CCDC6: variants seen among roughly 807,000 people sequenced by gnomAD.
CCDC6 encodes the protein coiled-coil domain-containing protein 6.
CCDC6 carries 20 observed loss-of-function variants against 56.6 expected under a neutral mutation model. The observed-to-expected ratio is 0.35, with a 90% confidence interval of 0.25 to 0.51. CCDC6 has a LOEUF of 0.51. Ranked by LOEUF, CCDC6 falls within the 20% of genes least tolerant of loss-of-function variation. The pLI is 0.95. For missense variants in CCDC6, 367 were observed against 601.1 expected, an observed-to-expected ratio of 0.61 and a Z score of 4.07; for synonymous variants, 241 against 234.4, an observed-to-expected ratio of 1.03 and a Z score of -0.26.
At chr10:59,836,229 C>A (rs562827459) in intron 2 of CCDC6, among the ~76,000 whole-genome samples, 2 of 152,172 alleles carry the variant, frequency 1.3e-5, no homozygotes, top group Admixed American at 6.5e-5. Context: ...AAGAAAAATT[C>A]AGATATTCTC....
At chr10:59,904,846 C>T (rs1295419140) in intron 1 of CCDC6, among the ~76,000 whole-genome samples, 1 of 152,212 alleles carries the variant, frequency 6.6e-6, no homozygotes, top group Non-Finnish European at 1.5e-5. Context: ...CATGTATGAG[C>T]CAGCACTGGG....
chr10:59,896,605 CA>C (rs2071465758), intron 1 of CCDC6, among the ~76,000 whole-genome samples: 1 of 149,450 alleles, frequency 6.7e-6, no homozygotes, highest in Admixed American at 6.7e-5. Context: ...AAAAAACAAA[CA>C]AAAACAAGAA....
chr10:59,835,101 A>C (rs935061376), intron 2 of CCDC6, among the ~76,000 whole-genome samples: 8 of 152,230 alleles, frequency 5.3e-5, no homozygotes, highest in Non-Finnish European at 1.0e-4. Context: ...AAAACCTTTA[A>C]ACTATTTGCA....
intron 1 of CCDC6, among the ~76,000 whole-genome samples, chr10:59,854,905 G>C (rs2071068686): frequency 6.6e-6 from 1 of 152,222 alleles, no homozygotes; most frequent in Non-Finnish European, 1.5e-5. Flanking sequence ...AGGAACTGTA[G>C]TGCTCTTGCA....
intron 1 of CCDC6, among the ~76,000 whole-genome samples, chr10:59,890,748 A>G (rs189657972): frequency 5.3e-4 from 80 of 151,754 alleles, no homozygotes; most frequent in African/African-American, 1.8e-3. Context: ...TTTTATTATT[A>G]TACTTTAAGT....
At chr10:59,812,952 C>A (rs569937786) in intron 4 of CCDC6, among the ~76,000 whole-genome samples, 157 bp from the exon 5 acceptor site, 1 of 152,338 alleles carries the variant, frequency 6.6e-6, no homozygotes, top group East Asian at 1.9e-4. Flanking sequence ...CATCAAACTT[C>A]TGCCCTTACG....
chr10:59,800,660 T>C (rs767863766), intron 7 of CCDC6, among the ~76,000 whole-genome samples: 9 of 151,844 alleles, frequency 5.9e-5, no homozygotes, highest in Non-Finnish European at 8.8e-5. Flanking sequence ...CTGTTGATTA[T>C]AAGCTCTTAG....
intron 1 of CCDC6, among the ~76,000 whole-genome samples, chr10:59,864,149 C>A (rs536828901): frequency 6.6e-6 from 1 of 152,290 alleles, no homozygotes; most frequent in South Asian, 2.1e-4. Flanking sequence ...AATCTGGGTC[C>A]TAAAAGCAAA....
At chr10:59,857,557 G>A (rs2071090026) in intron 1 of CCDC6, among the ~76,000 whole-genome samples, 1 of 152,112 alleles carries the variant, frequency 6.6e-6, no homozygotes, top group Non-Finnish European at 1.5e-5. Context: ...AATCTATTAA[G>A]CATAAGAAAG....
intron 1 of CCDC6, among the ~76,000 whole-genome samples, chr10:59,874,118 AACACACACACACACAC>A (rs55812153): frequency 2.7e-5 from 4 of 148,578 alleles, no homozygotes; most frequent in African/African-American, 7.5e-5. Flanking sequence ...TTACCTAGCA[AACACACACACACACAC>A]ACACACACAC....
intron 3 of CCDC6, among the ~76,000 whole-genome samples, chr10:59,825,358 C>T (rs1397643903): frequency 6.6e-6 from 1 of 152,194 alleles, no homozygotes; most frequent in East Asian, 1.9e-4. Context: ...TACTGCTGTC[C>T]ATGTAAGACG....
intron 3 of CCDC6, among the ~76,000 whole-genome samples, chr10:59,826,965 CCTT>C (rs1176932076): frequency 6.6e-5 from 10 of 152,274 alleles, no homozygotes; most frequent in African/African-American, 2.4e-4. Flanking sequence ...TCTCGGCCCT[CCTT>C]CATCTTATAG....
In CCDC6 at chr10:59,806,905, A is replaced by G. The variant is rs746703143; in HGVS notation, c.1004+17T>C. On this transcript the variant is annotated intron_variant, in intron 6 of 8. Transcript: ENST00000263102. Reference sequence around the variant, plus strand: ...TATTTTTTAAACAAAAACAAGGCTCATAAGACATGCACACACCTTTCGTCG... The same window carrying G: ...TATTTTTTAAACAAAAACAAGGCTCGTAAGACATGCACACACCTTTCGTCG... The G allele has an allele frequency of 3.7e-6, 6 of 1,606,948 alleles. No individual in the cohort carries two copies. In the South Asian group the frequency reaches 4.4e-5, roughly 12 times the overall value.
intron 5 of CCDC6, among the ~76,000 whole-genome samples, chr10:59,810,153 A>C (rs2070661111): frequency 6.6e-6 from 1 of 152,224 alleles, no homozygotes. Context: ...GTTCAGATGC[A>C]GTCAAGCTTG....
intron 3 of CCDC6, among the ~76,000 whole-genome samples, chr10:59,823,388 G>A (rs1264444445): frequency 6.6e-6 from 1 of 152,198 alleles, no homozygotes; most frequent in Non-Finnish European, 1.5e-5. Flanking sequence ...CCAGCACAGA[G>A]TTCGTTCCTG....
intron 7 of CCDC6, among the ~76,000 whole-genome samples, chr10:59,800,512 A>T (rs970181008): frequency 1.3e-5 from 2 of 152,326 alleles, no homozygotes; most frequent in African/African-American, 4.8e-5. Flanking sequence ...ACAGTATTCC[A>T]TTGAATAGAC....
intron 7 of CCDC6, among the ~76,000 whole-genome samples, chr10:59,800,279 C>T (rs1053238066): frequency 1.3e-5 from 2 of 152,198 alleles, no homozygotes; most frequent in African/African-American, 4.8e-5. Flanking sequence ...TCTCTGTGTG[C>T]CTATGCATGT....
At chr10:59,841,796 T>C (rs956492035) in intron 2 of CCDC6, among the ~76,000 whole-genome samples, 3 of 150,884 alleles carry the variant, frequency 2.0e-5, no homozygotes, top group African/African-American at 7.3e-5. Flanking sequence ...GCCTCCCGAG[T>C]AGCTGGGACT....
At chr10:59,801,178 T>C (rs879624217) in intron 7 of CCDC6, among the ~76,000 whole-genome samples, 1 of 152,004 alleles carries the variant, frequency 6.6e-6, no homozygotes, top group Non-Finnish European at 1.5e-5. Context: ...AGTTTTAATA[T>C]ATCTTTGGCT....
Sources: gnomAD v4.1 joint callset for allele counts (sites outside exome capture counted in the v4.1 genomes callset) on GRCh38, gnomAD v4.1.1 for gene constraint, MANE v1.5 for transcripts, NCBI Gene and HGNC (gene_info 2026-07-23, HGNC 2026-07-21) for gene names.